The following PRRC1 variants were observed in gnomAD, a reference collection of about 807,000 sequenced individuals.
The protein encoded by PRRC1 is protein PRRC1.
PRRC1 carries 39 observed loss-of-function variants against 40.7 expected under a neutral mutation model. That is an observed-to-expected ratio of 0.96 (90% CI 0.74 to 1.25). The LOEUF is 1.25. PRRC1 is among the 50% of genes most tolerant of loss of function. The probability of loss-of-function intolerance (pLI) is 0.00; values close to 1 mark genes in which losing one functional copy is unlikely to be tolerated. For missense variants in PRRC1, 573 were observed against 548.3 expected (o/e 1.05, Z -0.45); for synonymous variants, 175 against 193.3 (o/e 0.91, Z 0.79).
chr5:127,552,360 T>G lies in PRRC1; in HGVS notation c.*444T>G. ...GTCAGTCTTTGACTACTTTTGTATG[T>G]GCACACGATCTCAGGGCTGGTGCTG... On this transcript the variant is annotated 3_prime_UTR_variant, in exon 9 of 9. Transcript: ENST00000296666. The G allele has an allele frequency of 9.9e-7, 1 of 1,012,470 alleles. No individual in the cohort carries two copies. Among genetic ancestry groups the G allele is most frequent in the Non-Finnish European group, 1.2e-6 (1 of 845,178 alleles). 62.7% of individuals were successfully genotyped at this position (1,012,470 alleles called of 1,614,324 possible).
chr5:127,533,752 C>T lies in PRRC1; in HGVS notation c.887C>T (p.Ala296Val). The stretch of plus-strand genomic sequence containing the variant: ...GGGGAAGCTGGACAGTCCAATATTG[C>T]CCCACAACCAGTGGGCTATGCAGCT... ...VVGEAGQSNI[A>V]PQPVGYAAGL... The change falls in exon 6 of 9, where the codon GCC becomes GTC. Residue 296 changes from alanine to valine, a missense_variant. Physicochemically the swap from Ala to Val is moderately conservative, Grantham distance 64. Transcript: ENST00000296666. The T allele has an allele frequency of 6.2e-7, 1 of 1,614,044 alleles. No individual in the cohort carries two copies. Among genetic ancestry groups the T allele is most frequent in the African/African-American group, 1.3e-5 (1 of 75,024 alleles).
rs182550554 is a variant in PRRC1, at chr5:127,540,208, C to T, written c.1025+1065C>T. On this transcript the variant is annotated intron_variant, in intron 7 of 8. Coordinates refer to ENST00000296666, the MANE Select transcript of PRRC1 (RefSeq NM_130809.5). ...ACTTTCTATGTAAGCACTGAGAAAC[C>T]GTCCAGTGATTGTTGTGTCATTTTT... Among the ~76,000 whole-genome samples, 96 of 152,016 alleles carry T rather than the reference C, an allele frequency of 6.3e-4. 1 individual carries two copies. In the East Asian group the frequency reaches 0.017, roughly 27 times the overall value.
Position 127,524,702 on chromosome 5 carries a change from C to T in PRRC1, c.275C>T (p.Pro92Leu), listed in dbSNP as rs1252194016. 6.2e-7 allele frequency: 1 copy of T among 1,614,162 alleles called. No individual in the cohort carries two copies. Among genetic ancestry groups the T allele is most frequent in the South Asian group, 1.1e-5 (1 of 91,078 alleles). ...SVPPLVTSMP[P>L]PVSPSTAAAF... ...CCACCACTTGTTACTTCTATGCCAC[C>T]TCCTGTTTCTCCATCAACTGCTGCT... The change falls in exon 3 of 9, where the codon CCT becomes CTT. Residue 92 changes from proline (P) to leucine (L), a missense_variant. Pro to Leu is a moderately conservative substitution (Grantham distance 98). Coordinates refer to ENST00000296666, the MANE Select transcript of PRRC1 (RefSeq NM_130809.5).
chr5:127,538,077 T>C (rs1396656157), intron 6 of PRRC1, among the ~76,000 whole-genome samples: 1 of 151,988 alleles, frequency 6.6e-6, no homozygotes, highest in African/African-American at 2.4e-5. Flanking sequence ...AGCAAAAATA[T>C]ACAATCTTGG....
In PRRC1 at chr5:127,524,929, T is replaced by C; in HGVS notation, c.493+9T>C. ...TGCACCTTCAGGAACAGGTAATTCT[T>C]TCTGATACTTTGAAATACATGGCTA... On this transcript the variant is annotated intron_variant, in intron 3 of 8. Coordinates refer to ENST00000296666, the MANE Select transcript of PRRC1 (RefSeq NM_130809.5). 6.4e-7 allele frequency: 1 copy of C among 1,564,916 alleles called. No individual in the cohort carries two copies. The highest frequency in any genetic ancestry group is 8.6e-7 in the Non-Finnish European group (1 of 1,157,140).
chr5:127,519,012 A>G (rs1767389926), intron 1 of PRRC1, among the ~76,000 whole-genome samples: 3 of 152,206 alleles, frequency 2.0e-5, no homozygotes, highest in African/African-American at 4.8e-5. Context: ...TTTCATATAA[A>G]AAGCCATTAA....
Position 127,553,363 on chromosome 5 carries a change from A to G in PRRC1, c.*1447A>G, listed in dbSNP as rs1580958379. The G allele has an allele frequency of 9.9e-7, 1 of 1,008,414 alleles. No individual in the cohort carries two copies. Among genetic ancestry groups the G allele is most frequent in the Non-Finnish European group, 1.2e-6 (1 of 845,736 alleles). 62.5% of individuals were successfully genotyped at this position (1,008,414 alleles called of 1,614,324 possible). A position where few individuals can be genotyped will look rare whatever the true frequency, so the allele number is the denominator to read the frequency against. On this transcript the variant is annotated 3_prime_UTR_variant, in exon 9 of 9. Coordinates refer to ENST00000296666, the MANE Select transcript of PRRC1 (RefSeq NM_130809.5). ...ATATATGTTACTTTCCAAGCACTGTATAATGACTGTTCAGTGAATATCAGA... is the reference window on the plus strand; with the variant it reads ...ATATATGTTACTTTCCAAGCACTGTGTAATGACTGTTCAGTGAATATCAGA...
At position 127,533,776 on chromosome 5, in the gene PRRC1, C is replaced by T. The variant is rs151195954; in HGVS notation, c.911C>T (p.Ala304Val). Residue 304 changes from alanine to valine, a missense_variant, in exon 6 of 9, where the codon GCT becomes GTT. Coordinates refer to ENST00000296666, the MANE Select transcript of PRRC1 (RefSeq NM_130809.5). Reference protein sequence around the residue: ...NIAPQPVGYAAGLKGAQERID... With the variant: ...NIAPQPVGYAVGLKGAQERID... The stretch of plus-strand genomic sequence containing the variant: ...GCCCCACAACCAGTGGGCTATGCAG[C>T]TGGATTAAAAGTGAGTAACAGAACA... The T allele has an allele frequency of 2.5e-6, 4 of 1,613,932 alleles. No individual in the cohort carries two copies. The African/African-American group carries it at 5.3e-5, about 22-fold the overall frequency.
chr5:127,551,763 A>C lies in PRRC1; in HGVS notation c.1185A>C (p.Thr395=). Residue 395 remains threonine (T), a synonymous_variant, in exon 9 of 9, where the codon ACA becomes ACC. Coordinates refer to ENST00000296666, the MANE Select transcript of PRRC1 (RefSeq NM_130809.5). ...TGAGGTGGTCAGGCCTTTTGGTGAC[A>C]GTGGGTGAAGTCCTGGAAAAGAGTT... is the stretch of plus-strand genomic sequence containing the variant. ...YNLRWSGLLV[T]VGEVLEKSLL... is the part of the protein sequence containing the mutation. The C allele has an allele frequency of 6.2e-7, 1 of 1,614,144 alleles. No individual in the cohort carries two copies. The highest frequency in any genetic ancestry group is 1.1e-5 in the South Asian group (1 of 91,080).
At chr5:127,520,462 T>C (rs767515143) in intron 1 of PRRC1, among the ~76,000 whole-genome samples, 6 of 152,210 alleles carry the variant, frequency 3.9e-5, no homozygotes, top group African/African-American at 7.2e-5. Context: ...ATTTATACAA[T>C]GGAATACTAT....
intron 1 of PRRC1, among the ~76,000 whole-genome samples, chr5:127,518,841 T>C (rs1047719658): frequency 6.6e-6 from 1 of 152,108 alleles, no homozygotes; most frequent in Non-Finnish European, 1.5e-5. Context: ...ACTTTTTCTT[T>C]AGTGTTGATA....
intron 6 of PRRC1, among the ~76,000 whole-genome samples, chr5:127,537,773 C>A (rs1243805764): frequency 6.6e-6 from 1 of 151,648 alleles, no homozygotes; most frequent in East Asian, 1.9e-4. Flanking sequence ...TTTTAAAAAT[C>A]AAACTTTAGC....
intron 3 of PRRC1, among the ~76,000 whole-genome samples, chr5:127,525,784 T>TA (rs1212258759): frequency 6.6e-6 from 1 of 152,198 alleles, no homozygotes; most frequent in African/African-American, 2.4e-5. Flanking sequence ...AGTAGATGAT[T>TA]AGTATATGGG....
intron 7 of PRRC1, among the ~76,000 whole-genome samples, chr5:127,541,506 T>G (rs866715928): frequency 4.0e-4 from 61 of 151,942 alleles, no homozygotes; most frequent in South Asian, 3.3e-3. Flanking sequence ...TCTGGTCCTG[T>G]ACTCTTTTTG....
At chr5:127,542,349 T>G (rs1768073006) in intron 7 of PRRC1, among the ~76,000 whole-genome samples, 1 of 152,034 alleles carries the variant, frequency 6.6e-6, no homozygotes, top group African/African-American at 2.4e-5. Context: ...ATGTATATTC[T>G]GTTGATTTGG....
chr5:127,546,166 A>C (rs1056469477), intron 7 of PRRC1, among the ~76,000 whole-genome samples: 1 of 151,522 alleles, frequency 6.6e-6, no homozygotes, highest in Non-Finnish European at 1.5e-5. Context: ...GACATTTTCT[A>C]TTCACCTGTC....
chr5:127,547,858 C>A lies in PRRC1; in HGVS notation c.1065C>A (p.Val355=), dbSNP rs781627832. ...GTTGTTTGGTGGTTGAAGATCCTGT[C>A]CATGGCATTCATCTAGAAACATTTA... ...DIGCLVVEDP[V]HGIHLETFTQ... The change falls in exon 8 of 9, where the codon GTC becomes GTA. Residue 355 remains valine (V), a synonymous_variant. Coordinates refer to ENST00000296666, the MANE Select transcript of PRRC1 (RefSeq NM_130809.5). The A allele has an allele frequency of 6.2e-7, 1 of 1,613,392 alleles. No individual in the cohort carries two copies. Among genetic ancestry groups the A allele is most frequent in the Non-Finnish European group, 8.5e-7 (1 of 1,179,618 alleles).
At position 127,517,683 on chromosome 5, in the gene PRRC1, C is replaced by T. The variant is rs1324921018; in HGVS notation, c.-114C>T. ...CGCCGAGGTAACTTCCAGGGTGCGC[C>T]TTCGTTGTCTTCTCCAAGCTGTAGT... On this transcript the variant is annotated 5_prime_UTR_variant, in exon 1 of 9. Coordinates refer to ENST00000296666, the MANE Select transcript of PRRC1 (RefSeq NM_130809.5). 1 of 152,058 alleles carries T rather than the reference C, an allele frequency of 6.6e-6. No homozygotes were observed. Among genetic ancestry groups the T allele is most frequent in the African/African-American group, 2.4e-5 (1 of 41,426 alleles). 9.4% of individuals were successfully genotyped at this position (152,058 alleles called of 1,614,324 possible).
chr5:127,551,937 CTG>C lies in PRRC1; in HGVS notation c.*22_*23del. The C allele has an allele frequency of 1.9e-6, 3 of 1,613,100 alleles. No homozygotes were observed. Among genetic ancestry groups the C allele is most frequent in the Non-Finnish European group, 2.5e-6 (3 of 1,179,362 alleles). On this transcript the variant is annotated 3_prime_UTR_variant, in exon 9 of 9. Coordinates refer to ENST00000296666, the MANE Select transcript of PRRC1 (RefSeq NM_130809.5). Reference sequence around the variant, plus strand: ...TGTGAGAGGAGACCTACCTGGGAGACTGAGACTTTCCCCCACTTTTAGCTTGA... The same window carrying C: ...TGTGAGAGGAGACCTACCTGGGAGACAGACTTTCCCCCACTTTTAGCTTGA...
Sources: allele counts gnomAD v4.1 joint callset (sites outside exome capture counted in the v4.1 genomes callset), GRCh38; gene constraint gnomAD v4.1.1; transcripts MANE v1.5; gene names NCBI Gene and HGNC (gene_info 2026-07-23, HGNC 2026-07-21).